SNX29: variants seen among roughly 807,000 people sequenced by gnomAD.
SNX29 encodes the protein sorting nexin-29.
A neutral mutation model predicts 102.1 loss-of-function variants in SNX29; 78 were observed. The observed-to-expected ratio is 0.76, with a 90% CI of 0.64 to 0.92. The LOEUF (loss-of-function observed/expected upper bound fraction) is 0.92, where lower values mean the gene tolerates loss of function less well. Among genes scored for constraint, SNX29 ranks in the 40% least tolerant of loss-of-function variants. The pLI is 0.00. For synonymous variants in SNX29, 580 were observed against 414.5 expected (o/e 1.40, Z -4.85); for missense variants, 1,280 against 1,061.7 (o/e 1.21, Z -2.86).
At chr16:12,544,296 G>A (rs977626164) in intron 20 of SNX29, among the ~76,000 whole-genome samples, 2 of 152,200 alleles carry the variant, frequency 1.3e-5, no homozygotes, top group South Asian at 2.1e-4. Flanking sequence ...CGGCATCCAG[G>A]CCACAGGGGA....
chr16:12,316,747 G>C (rs1596879285), intron 15 of SNX29, among the ~76,000 whole-genome samples: 1 of 152,066 alleles, frequency 6.6e-6, no homozygotes, highest in Admixed American at 6.5e-5. Context: ...CCTGCCCCTG[G>C]CTTCTCTGCA....
chr16:12,468,322 C>T (rs1188289980), intron 18 of SNX29, among the ~76,000 whole-genome samples: 1 of 151,718 alleles, frequency 6.6e-6, no homozygotes, highest in Non-Finnish European at 1.5e-5. Context: ...TTATAGGCAC[C>T]CGCCACCATG....
intron 16 of SNX29, among the ~76,000 whole-genome samples, chr16:12,380,591 AT>A: frequency 2.2e-5 from 2 of 91,698 alleles, no homozygotes; most frequent in Non-Finnish European, 4.4e-5. Flanking sequence ...CCCACCCACC[AT>A]CCATCCACCC....
At chr16:12,320,019 C>T (rs1354161507) in intron 15 of SNX29, among the ~76,000 whole-genome samples, 1 of 152,160 alleles carries the variant, frequency 6.6e-6, no homozygotes, top group Admixed American at 6.5e-5. Flanking sequence ...GGCTGCATCT[C>T]GTCACTGGTC....
intron 3 of SNX29, 73 bp downstream of exon 3, chr16:12,003,116 C>T: frequency 6.3e-7 from 1 of 1,585,438 alleles, no homozygotes; most frequent in Non-Finnish European, 8.7e-7. Flanking sequence ...GCTTCTAAAA[C>T]CGTTGACCAT....
At chr16:12,136,070 A>G (rs1422334350) in intron 13 of SNX29, among the ~76,000 whole-genome samples, 5 of 152,220 alleles carry the variant, frequency 3.3e-5, no homozygotes, top group Non-Finnish European at 7.4e-5. Context: ...CTTGTGTCTC[A>G]CTGGGGCCAG....
intron 15 of SNX29, among the ~76,000 whole-genome samples, chr16:12,287,904 G>C (rs1481871575): frequency 6.6e-6 from 1 of 152,174 alleles, no homozygotes; most frequent in Non-Finnish European, 1.5e-5. Context: ...AGTGTTTTTT[G>C]AGGGTGTATT....
intron 16 of SNX29, among the ~76,000 whole-genome samples, chr16:12,361,008 G>A (rs1299308913): frequency 6.6e-6 from 1 of 152,224 alleles, no homozygotes; most frequent in Non-Finnish European, 1.5e-5. Context: ...GGGAGAGGGG[G>A]TCCCCTTACG....
rs146122572 is a variant in SNX29, at chr16:12,190,549, C to T, written c.1596-9052C>T. Among the ~76,000 whole-genome samples the T allele has an allele frequency of 1.5e-4, 23 of 152,232 alleles. No homozygotes were observed. In the East Asian group the frequency reaches 3.5e-3, roughly 23 times the overall value. On this transcript the variant is annotated intron_variant, in intron 13 of 20. Coordinates refer to ENST00000566228, the MANE Select transcript of SNX29 (RefSeq NM_032167.5). ...AAGAGGGCCTTTGAGGAGACACTTGCAAAATGTGTAGCTGTTCACCAGGGG... is the reference window on the plus strand; with the variant it reads ...AAGAGGGCCTTTGAGGAGACACTTGTAAAATGTGTAGCTGTTCACCAGGGG...
At chr16:12,239,142 A>T (rs1262240395) in intron 14 of SNX29, among the ~76,000 whole-genome samples, 1 of 152,164 alleles carries the variant, frequency 6.6e-6, no homozygotes, top group African/African-American at 2.4e-5. Context: ...GGCCTTTCTG[A>T]ATAGGGCTTC....
chr16:12,541,824 C>G (rs1014420917), intron 20 of SNX29, among the ~76,000 whole-genome samples: 5 of 152,108 alleles, frequency 3.3e-5, no homozygotes, highest in Non-Finnish European at 5.9e-5. Flanking sequence ...AAGCTCGCCT[C>G]TTCCCCTCTT....
chr16:12,527,534 T>G (rs2076819809), intron 20 of SNX29: 3 of 398,268 alleles, frequency 7.5e-6, no homozygotes, highest in Non-Finnish European at 9.6e-6. Context: ...GGCCCCCCAT[T>G]TTCCTGTGGA....
chr16:12,219,642 AT>A (rs1487714442), intron 14 of SNX29, among the ~76,000 whole-genome samples: 1 of 152,232 alleles, frequency 6.6e-6, no homozygotes, highest in Non-Finnish European at 1.5e-5. Flanking sequence ...TATTGAATGT[AT>A]AAACATGTTT....
chr16:12,271,158 C>T (rs1224216537), intron 14 of SNX29, among the ~76,000 whole-genome samples: 1 of 152,256 alleles, frequency 6.6e-6, no homozygotes, highest in Non-Finnish European at 1.5e-5. Context: ...TGGCTTAAAA[C>T]AACAAACATT....
chr16:12,436,662 G>A (rs1005644666), intron 18 of SNX29, among the ~76,000 whole-genome samples: 1 of 152,226 alleles, frequency 6.6e-6, no homozygotes, highest in Non-Finnish European at 1.5e-5. Flanking sequence ...TCTGACCGGG[G>A]GACTTTGGCT....
In SNX29 at chr16:12,572,151, G is replaced by T; in HGVS notation, c.*3522G>T. On this transcript the variant is annotated 3_prime_UTR_variant, in exon 21 of 21. Coordinates refer to ENST00000566228, the MANE Select transcript of SNX29 (RefSeq NM_032167.5). ...TGCTTCATACTTTGGAGCTTATTAAGATCAATTTTGATAACCATGTAATTT... is the reference window on the plus strand; with the variant it reads ...TGCTTCATACTTTGGAGCTTATTAATATCAATTTTGATAACCATGTAATTT... The T allele has an allele frequency of 1.0e-5, 10 of 983,562 alleles. No individual in the cohort carries two copies. Among genetic ancestry groups the T allele is most frequent in the Non-Finnish European group, 1.1e-5 (9 of 805,392 alleles). 60.9% of individuals were successfully genotyped at this position (983,562 alleles called of 1,614,324 possible). A position where few individuals can be genotyped will look rare whatever the true frequency, so the allele number is the denominator to read the frequency against.
intron 20 of SNX29, among the ~76,000 whole-genome samples, chr16:12,558,008 G>T (rs952972342): frequency 6.6e-6 from 1 of 152,152 alleles, no homozygotes; most frequent in African/African-American, 2.4e-5. Context: ...TGGGCTGGGT[G>T]CTGCAGTGGG....
At chr16:12,166,950 G>T (rs530032304) in intron 13 of SNX29, among the ~76,000 whole-genome samples, 3 of 152,322 alleles carry the variant, frequency 2.0e-5, no homozygotes, top group Admixed American at 6.5e-5. Flanking sequence ...TTGGGTTGCT[G>T]CATGGAGCTC....
At chr16:12,458,612 C>T (rs2086636309) in intron 18 of SNX29, among the ~76,000 whole-genome samples, 1 of 152,164 alleles carries the variant, frequency 6.6e-6, no homozygotes, top group African/African-American at 2.4e-5. Context: ...GTTGTCCCAG[C>T]CAACAATTCC....
Sources: allele counts gnomAD v4.1 joint callset (sites outside exome capture counted in the v4.1 genomes callset), GRCh38; gene constraint gnomAD v4.1.1; transcripts MANE v1.5; gene names NCBI Gene and HGNC (gene_info 2026-07-23, HGNC 2026-07-21).